ALK: variants seen among roughly 807,000 people sequenced by gnomAD.
ALK encodes the protein ALK tyrosine kinase receptor.
In ALK, 74 loss-of-function variants were observed where a neutral mutation model predicts 163.1. The ratio of observed to expected loss-of-function variants is 0.45; its 90% confidence interval spans 0.38 to 0.55. The LOEUF is 0.55. Among genes scored for constraint, ALK ranks in the 20% least tolerant of loss-of-function variants. The probability of loss-of-function intolerance (pLI) is 0.00; values close to 1 mark genes in which losing one functional copy is unlikely to be tolerated. For synonymous variants in ALK, 960 were observed against 843.2 expected (o/e 1.14, Z -2.40); for missense variants, 2,063 against 2,105.3 (o/e 0.98, Z 0.39).
At chr2:29,779,985 T>C (rs1299706305) in intron 1 of ALK, among the ~76,000 whole-genome samples, 1 of 152,218 alleles carries the variant, frequency 6.6e-6, no homozygotes, top group East Asian at 1.9e-4. Context: ...TGGGACAAGA[T>C]TCCTTGATCT....
At chr2:29,569,492 T>C (rs1674292506) in intron 3 of ALK, among the ~76,000 whole-genome samples, 2 of 152,140 alleles carry the variant, frequency 1.3e-5, no homozygotes, top group African/African-American at 4.8e-5. Flanking sequence ...TAATAATGAA[T>C]GGGAAAGTAC....
At chr2:29,424,493 T>G (rs868583864) in intron 4 of ALK, among the ~76,000 whole-genome samples, 1 of 152,220 alleles carries the variant, frequency 6.6e-6, no homozygotes, top group African/African-American at 2.4e-5. Context: ...GTTGTTCTTG[T>G]ATATTATGAT....
At chr2:29,804,768 T>A (rs1479884889) in intron 1 of ALK, among the ~76,000 whole-genome samples, 1 of 152,218 alleles carries the variant, frequency 6.6e-6, no homozygotes, top group African/African-American at 2.4e-5. Flanking sequence ...TCTTGGATGC[T>A]AATCTGCCAT....
chr2:29,708,119 G>C (rs935949647), intron 2 of ALK, among the ~76,000 whole-genome samples: 2 of 152,214 alleles, frequency 1.3e-5, no homozygotes, highest in East Asian at 3.9e-4. Flanking sequence ...CCAGGCTGGA[G>C]TGCAATGGTG....
chr2:29,823,435 G>A (rs1434573786), intron 1 of ALK, among the ~76,000 whole-genome samples: 1 of 152,190 alleles, frequency 6.6e-6, no homozygotes, highest in Non-Finnish European at 1.5e-5. Context: ...GGGGGGCTCA[G>A]AATAAGACAG....
chr2:29,765,006 TTC>T (rs374922669), intron 1 of ALK, among the ~76,000 whole-genome samples: 1 of 151,648 alleles, frequency 6.6e-6, no homozygotes, highest in Non-Finnish European at 1.5e-5. Context: ...TGGCACCTCC[TTC>T]TCTCTCTCTC....
chr2:29,699,939 G>T (rs1678683050), intron 2 of ALK, among the ~76,000 whole-genome samples: 1 of 152,230 alleles, frequency 6.6e-6, no homozygotes, highest in Admixed American at 6.5e-5. Flanking sequence ...TTCTGGGCTT[G>T]GTCCTGCACA....
intron 11 of ALK, among the ~76,000 whole-genome samples, chr2:29,251,866 CA>C (rs1467045085): frequency 6.6e-6 from 1 of 152,192 alleles, no homozygotes; most frequent in Admixed American, 6.5e-5. Context: ...GTGGTGGGAG[CA>C]GGAAGCCCTG....
At chr2:29,891,968 A>G (rs1180117924) in intron 1 of ALK, among the ~76,000 whole-genome samples, 2 of 152,156 alleles carry the variant, frequency 1.3e-5, no homozygotes, top group African/African-American at 4.8e-5. Context: ...AGTTCAACCA[A>G]TCTCTCCCTA....
intron 2 of ALK, among the ~76,000 whole-genome samples, chr2:29,704,853 C>A (rs1210627824): frequency 1.3e-5 from 2 of 152,082 alleles, no homozygotes; most frequent in Non-Finnish European, 2.9e-5. Context: ...GCGCATCAGC[C>A]TTGTGCTTGG....
At chr2:29,864,995 C>A (rs559169715) in intron 1 of ALK, among the ~76,000 whole-genome samples, 24 of 152,312 alleles carry the variant, frequency 1.6e-4, no homozygotes, top group Admixed American at 1.5e-3. Flanking sequence ...TCAGCCAAGA[C>A]CTCTCAGCCA....
intron 11 of ALK, among the ~76,000 whole-genome samples, chr2:29,270,269 T>C (rs1028217906): frequency 2.6e-5 from 4 of 152,238 alleles, no homozygotes; most frequent in African/African-American, 9.6e-5. Flanking sequence ...TTAAGAAACA[T>C]GATCATTTGC....
intron 4 of ALK, among the ~76,000 whole-genome samples, chr2:29,418,583 C>T (rs1290924426): frequency 6.6e-6 from 1 of 152,172 alleles, no homozygotes; most frequent in Non-Finnish European, 1.5e-5. Context: ...TATTATTCCA[C>T]TCTGTGTATC....
At chr2:29,480,739 C>T (rs533104658) in intron 4 of ALK, among the ~76,000 whole-genome samples, 28 of 141,682 alleles carry the variant, frequency 2.0e-4, no homozygotes, top group Admixed American at 6.9e-4. Flanking sequence ...TCCAGCAACA[C>T]GCAGGCAGAT....
chr2:29,713,874 C>T (rs898897974), intron 2 of ALK, among the ~76,000 whole-genome samples: 1 of 151,422 alleles, frequency 6.6e-6, no homozygotes, highest in African/African-American at 2.4e-5. Flanking sequence ...AAGTCCCTTT[C>T]TCCTGCTCAT....
In ALK at chr2:29,205,466, A is replaced by G. The variant is rs1010969301; in HGVS notation, c.3938+1705T>C. On this transcript the variant is annotated intron_variant, in intron 26 of 28. Transcript: ENST00000389048. Reference sequence around the variant, plus strand: ...CACATGCTTGGTGGCTTAAAACAACATAAGTTCATTCTCTGACAGTTCTGA... The same window carrying G: ...CACATGCTTGGTGGCTTAAAACAACGTAAGTTCATTCTCTGACAGTTCTGA... Among the ~76,000 whole-genome samples, 3 of 152,172 alleles carry G rather than the reference A, an allele frequency of 2.0e-5. No individual in the cohort carries two copies. The East Asian group carries it at 5.8e-4, about 29-fold the overall frequency.
intron 9 of ALK, among the ~76,000 whole-genome samples, chr2:29,288,777 C>T (rs2148224957): frequency 6.6e-6 from 1 of 151,554 alleles, no homozygotes; most frequent in African/African-American, 2.4e-5. Flanking sequence ...ATGGTGAAAT[C>T]CCATCTCTAC....
chr2:29,535,051 G>A (rs369459687), intron 3 of ALK, among the ~76,000 whole-genome samples: 2 of 152,196 alleles, frequency 1.3e-5, no homozygotes, highest in South Asian at 2.1e-4. Flanking sequence ...GATATTGTCA[G>A]TATAAATCTT....
chr2:29,768,743 G>GTGTGTGTGTGTGTATATA (rs373708982), intron 1 of ALK, among the ~76,000 whole-genome samples: 1 of 150,568 alleles, frequency 6.6e-6, no homozygotes, highest in African/African-American at 2.4e-5. Context: ...GTGTGTGTGT[G>GTGTGTGTGTGTGTATATA]TATATATGTA....
Sources: allele counts gnomAD v4.1 joint callset (sites outside exome capture counted in the v4.1 genomes callset), GRCh38; gene constraint gnomAD v4.1.1; transcripts MANE v1.5; gene names NCBI Gene and HGNC (gene_info 2026-07-23, HGNC 2026-07-21).